CNTNAP5: variants seen among roughly 807,000 people sequenced by gnomAD.
The protein encoded by CNTNAP5 is contactin-associated protein-like 5.
In CNTNAP5, 72 loss-of-function variants were observed where a neutral mutation model predicts 150.2. That is an observed-to-expected ratio of 0.48 (90% CI 0.40 to 0.58). The LOEUF (loss-of-function observed/expected upper bound fraction) is 0.58. Ranked by LOEUF, CNTNAP5 falls within the 20% of genes least tolerant of loss-of-function variation. The pLI, the probability that CNTNAP5 is intolerant of heterozygous loss-of-function variation, is 0.00. For synonymous variants in CNTNAP5, 672 were observed against 619.8 expected, an observed-to-expected ratio of 1.08 and a Z score of -1.25; for missense variants, 1,636 against 1,626.2, an observed-to-expected ratio of 1.01 and a Z score of -0.10.
chr2:124,578,208 T>C (rs1299865985), intron 11 of CNTNAP5, among the ~76,000 whole-genome samples: 2 of 145,912 alleles, frequency 1.4e-5, no homozygotes, highest in Admixed American at 1.4e-4. Context: ...CAGGCACCTG[T>C]AATCCCAGCT....
intron 12 of CNTNAP5, among the ~76,000 whole-genome samples, chr2:124,620,772 CACAT>C (rs1316026491): frequency 4.3e-5 from 6 of 139,368 alleles, no homozygotes; most frequent in African/African-American, 1.0e-4. Flanking sequence ...CACACACACA[CACAT>C]ATATATGCAA....
Position 124,916,536 on chromosome 2 carries a change from G to A in CNTNAP5, c.*2248G>A, listed in dbSNP as rs1482636866. ...GGCAAAGGAAGGTATGAGTAATAAA[G>A]CTGGAACTCTTCATTATTCAATCTT... is the stretch of plus-strand genomic sequence containing the variant. On this transcript the variant is annotated 3_prime_UTR_variant, in exon 24 of 24. Coordinates refer to ENST00000682447, the MANE Select transcript of CNTNAP5 (RefSeq NM_001367498.1). Among the ~76,000 whole-genome samples, 59 of 152,072 alleles carry A rather than the reference G, an allele frequency of 3.9e-4. 2 individuals are homozygous for A. The highest frequency in any genetic ancestry group is 3.7e-3 in the Admixed American group (57 of 15,248).
intron 3 of CNTNAP5, among the ~76,000 whole-genome samples, chr2:124,416,592 G>T (rs1378428862): frequency 6.6e-6 from 1 of 152,122 alleles, no homozygotes; most frequent in African/African-American, 2.4e-5. Flanking sequence ...AGAGTAGAAA[G>T]CTGTAGAAAT....
chr2:124,359,550 A>G (rs1423512955), intron 3 of CNTNAP5, among the ~76,000 whole-genome samples: 2 of 145,210 alleles, frequency 1.4e-5, no homozygotes, highest in Admixed American at 6.9e-5. Context: ...TTCTGCCTTC[A>G]TTTCGTTATG....
At chr2:124,737,342 T>C (rs1680406062) in intron 13 of CNTNAP5, among the ~76,000 whole-genome samples, 1 of 150,844 alleles carries the variant, frequency 6.6e-6, no homozygotes, top group South Asian at 2.1e-4. Flanking sequence ...GTGCTTTGGA[T>C]AGGGTTAACT....
chr2:124,855,471 C>A (rs1677351904), intron 19 of CNTNAP5, among the ~76,000 whole-genome samples: 1 of 152,066 alleles, frequency 6.6e-6, no homozygotes, highest in Non-Finnish European at 1.5e-5. Flanking sequence ...TTGTGCCCAG[C>A]CACCTCGGAG....
chr2:124,588,025 G>C (rs868591641), intron 11 of CNTNAP5, among the ~76,000 whole-genome samples: 4 of 151,892 alleles, frequency 2.6e-5, no homozygotes, highest in Non-Finnish European at 5.9e-5. Flanking sequence ...AAAAATCTCA[G>C]GCCTGTCACG....
intron 10 of CNTNAP5, among the ~76,000 whole-genome samples, chr2:124,539,177 A>G (rs1695319162): frequency 6.6e-6 from 1 of 152,212 alleles, no homozygotes; most frequent in Non-Finnish European, 1.5e-5. Context: ...AAAGGTTCTC[A>G]CCTGTGTCTG....
chr2:124,472,408 G>T (rs1573396825), intron 6 of CNTNAP5, among the ~76,000 whole-genome samples: 3 of 151,874 alleles, frequency 2.0e-5, no homozygotes, highest in African/African-American at 7.2e-5. Context: ...TGATGGTATT[G>T]TTGTTGATGT....
intron 13 of CNTNAP5, among the ~76,000 whole-genome samples, chr2:124,724,923 C>CTTTTTTTT (rs71387242): frequency 4.5e-5 from 5 of 111,516 alleles, no homozygotes; most frequent in African/African-American, 6.7e-5. Flanking sequence ...ATTCCCTTAG[C>CTTTTTTTT]TTTTTTTTTT....
chr2:124,756,359 A>T (rs1178231235), intron 14 of CNTNAP5, among the ~76,000 whole-genome samples: 1 of 152,186 alleles, frequency 6.6e-6, no homozygotes, highest in Non-Finnish European at 1.5e-5. Context: ...CAGTGTGGCG[A>T]TTCCTCAAAG....
At chr2:124,655,999 A>AAGGAAGG (rs1553427838) in intron 13 of CNTNAP5, among the ~76,000 whole-genome samples, 184 of 90,536 alleles carry the variant, frequency 2.0e-3, no homozygotes, top group Middle Eastern at 5.7e-3. Context: ...AAGAAAGAAA[A>AAGGAAGG]AAGGAAGGAA....
At chr2:124,282,461 T>A (rs1688037160) in intron 3 of CNTNAP5, among the ~76,000 whole-genome samples, 1 of 152,184 alleles carries the variant, frequency 6.6e-6, no homozygotes, top group Non-Finnish European at 1.5e-5. Flanking sequence ...CAGAGAGTGT[T>A]CACAGCCAGT....
At chr2:124,482,172 C>A (rs897457093) in intron 7 of CNTNAP5, among the ~76,000 whole-genome samples, 1 of 152,204 alleles carries the variant, frequency 6.6e-6, no homozygotes, top group Non-Finnish European at 1.5e-5. Context: ...ACCACTCCCC[C>A]ATTCGAAGAT....
At chr2:124,662,456 A>G (rs1412502371) in intron 13 of CNTNAP5, among the ~76,000 whole-genome samples, 1 of 152,236 alleles carries the variant, frequency 6.6e-6, no homozygotes, top group Non-Finnish European at 1.5e-5. Context: ...GTTGACCCAA[A>G]TGCCATTCTG....
chr2:124,317,436 C>T (rs2104664825), intron 3 of CNTNAP5, among the ~76,000 whole-genome samples: 1 of 152,260 alleles, frequency 6.6e-6, no homozygotes, highest in Middle Eastern at 3.4e-3. Flanking sequence ...AGACAGACCA[C>T]TTTGCTTGCC....
intron 1 of CNTNAP5, among the ~76,000 whole-genome samples, chr2:124,138,129 C>T (rs1173023979): frequency 6.6e-6 from 1 of 152,130 alleles, no homozygotes; most frequent in Non-Finnish European, 1.5e-5. Context: ...GCAGTTGAGG[C>T]CGACCTCCTC....
intron 3 of CNTNAP5, among the ~76,000 whole-genome samples, chr2:124,412,345 C>G (rs1409005547): frequency 2.7e-5 from 4 of 147,700 alleles, no homozygotes. Context: ...CATAAAGCTA[C>G]CTATGACTTT....
intron 3 of CNTNAP5, among the ~76,000 whole-genome samples, chr2:124,286,819 A>G (rs930008707): frequency 2.6e-5 from 4 of 152,152 alleles, no homozygotes; most frequent in African/African-American, 9.7e-5. Flanking sequence ...GTTCTCTTTC[A>G]GCAGCTCCCG....
Sources: gnomAD v4.1 joint callset for allele counts (sites outside exome capture counted in the v4.1 genomes callset) on GRCh38, gnomAD v4.1.1 for gene constraint, MANE v1.5 for transcripts, NCBI Gene and HGNC (gene_info 2026-07-23, HGNC 2026-07-21) for gene names.